The following STRBP variants were observed in gnomAD, a reference collection of about 807,000 sequenced individuals.
STRBP encodes the protein spermatid perinuclear RNA binding protein.
In STRBP, 13 loss-of-function variants were observed where a neutral mutation model predicts 80.1. That is an observed-to-expected ratio of 0.16 (90% CI 0.11 to 0.26). The LOEUF is 0.26. Among genes scored for constraint, STRBP ranks in the 10% least tolerant of loss-of-function variants. The probability of loss-of-function intolerance (pLI) is 1.00; values close to 1 mark genes in which losing one functional copy is unlikely to be tolerated. For missense variants in STRBP, 485 were observed against 815.2 expected, an observed-to-expected ratio of 0.59 and a Z score of 4.93; for synonymous variants, 284 against 291.2, an observed-to-expected ratio of 0.98 and a Z score of 0.25.
At chr9:123,261,283 G>T (rs1324951399) in intron 1 of STRBP, among the ~76,000 whole-genome samples, 1 of 152,160 alleles carries the variant, frequency 6.6e-6, no homozygotes, top group Non-Finnish European at 1.5e-5. Flanking sequence ...GTACTCAACA[G>T]CTTGATTAAA....
At chr9:123,234,200 CAAAA>C (rs59309974) in intron 2 of STRBP, among the ~76,000 whole-genome samples, 4 of 72,296 alleles carry the variant, frequency 5.5e-5, no homozygotes, top group Admixed American at 2.3e-4. Flanking sequence ...GACGCCGTGT[CAAAA>C]AAAAAAAAAA....
intron 2 of STRBP, among the ~76,000 whole-genome samples, chr9:123,191,354 C>T (rs1208351909): frequency 6.6e-6 from 1 of 151,068 alleles, no homozygotes; most frequent in African/African-American, 2.4e-5. Flanking sequence ...GGCGTGCCTG[C>T]GTTCAGTGGA....
chr9:123,185,726 C>G (rs1326390415), intron 2 of STRBP, among the ~76,000 whole-genome samples: 1 of 152,136 alleles, frequency 6.6e-6, no homozygotes, highest in Non-Finnish European at 1.5e-5. Context: ...AGCTGTGAAT[C>G]CAGCAGCCAA....
At chr9:123,267,305 G>A (rs189338108) in intron 1 of STRBP, among the ~76,000 whole-genome samples, 188 of 150,836 alleles carry the variant, frequency 1.2e-3, no homozygotes, top group African/African-American at 4.4e-3. Flanking sequence ...TCCATTTCAC[G>A]CACTTCTCCC....
intron 18 of STRBP, 51 bp downstream of exon 18, chr9:123,128,163 G>A: frequency 1.2e-6 from 2 of 1,601,568 alleles, no homozygotes; most frequent in Non-Finnish European, 1.7e-6. Flanking sequence ...CTGTGCTTTG[G>A]ATTGCTGTGA....
At chr9:123,188,071 T>A (rs562812730) in intron 2 of STRBP, among the ~76,000 whole-genome samples, 1 of 152,188 alleles carries the variant, frequency 6.6e-6, no homozygotes, top group Admixed American at 6.5e-5. Flanking sequence ...GTTTTTTCAG[T>A]CTATAATTTT....
chr9:123,113,470 C>G (rs1490923777), intron 3 of STRBP: 1 of 167,270 alleles, frequency 6.0e-6, no homozygotes, highest in Admixed American at 6.5e-5. Context: ...TCCTGATTCA[C>G]CCTCAGCCCT....
At chr9:123,266,118 A>T (rs200252927) in intron 1 of STRBP, among the ~76,000 whole-genome samples, 39 of 152,252 alleles carry the variant, frequency 2.6e-4, no homozygotes, top group Middle Eastern at 3.4e-3. Context: ...GGTCTCTTCC[A>T]GTTTCACAAA....
At chr9:123,137,090 A>G (rs756195893) in intron 14 of STRBP, among the ~76,000 whole-genome samples, 3 of 152,172 alleles carry the variant, frequency 2.0e-5, no homozygotes, top group Non-Finnish European at 4.4e-5. Flanking sequence ...GTGTAGTGGG[A>G]GGGACAGATA....
At position 123,122,879 on chromosome 9, in the gene STRBP, C is replaced by CT. The variant is rs1332157714; in HGVS notation, c.*2717_*2718insA. 1.0e-6 allele frequency: 1 copy of CT among 985,420 alleles called. No individual in the cohort carries two copies. The highest frequency in any genetic ancestry group is 1.2e-6 in the Non-Finnish European group (1 of 830,018). The allele number at this position is 985,420 out of a possible 1,614,324, so 61.0% of individuals were successfully genotyped here. A position where few individuals can be genotyped will look rare whatever the true frequency, so the allele number is the denominator to read the frequency against. ...CTACACTGACCTGTAAACTCCCTGA[C>CT]AAGAAACTATGCTAAAAAGGGGTTA... On this transcript the variant is annotated 3_prime_UTR_variant, in exon 19 of 19. Coordinates refer to ENST00000348403, the MANE Select transcript of STRBP (RefSeq NM_018387.5).
chr9:123,265,545 T>C (rs1461065790), intron 1 of STRBP, among the ~76,000 whole-genome samples: 3 of 152,198 alleles, frequency 2.0e-5, no homozygotes, highest in Admixed American at 2.0e-4. Flanking sequence ...GAAATCGTTT[T>C]CCAAGATTCT....
In STRBP at chr9:123,259,713, A is replaced by AAAC. The variant is rs774487865; in HGVS notation, c.-302+8720_-302+8722dup. ...AACAAGAGTGAAACTCTGTCTCACAAAACAACAACAACAACAACAACAACA... is the reference window on the plus strand; with the variant it reads ...AACAAGAGTGAAACTCTGTCTCACAAAACAACAACAACAACAACAACAACAACA... On this transcript the variant is annotated intron_variant, in intron 1 of 18. Coordinates refer to ENST00000348403, the MANE Select transcript of STRBP (RefSeq NM_018387.5). Among the ~76,000 whole-genome samples, 1,463 of 151,874 alleles carry AAAC rather than the reference A, an allele frequency of 9.6e-3. 15 individuals carry two copies. Among genetic ancestry groups the AAAC allele is most frequent in the African/African-American group, 0.023 (959 of 41,454 alleles).
chr9:123,134,740 A>C (rs562999621), intron 16 of STRBP, among the ~76,000 whole-genome samples: 1 of 152,334 alleles, frequency 6.6e-6, no homozygotes, highest in East Asian at 1.9e-4. Flanking sequence ...AAATATTTGC[A>C]CATGGGCTTT....
Position 123,173,723 on chromosome 9 carries a change from T to G in STRBP, c.344A>C (p.Glu115Ala), listed in dbSNP as rs760299794. 6.2e-7 allele frequency: 1 copy of G among 1,613,908 alleles called. No individual in the cohort carries two copies. The highest frequency in any genetic ancestry group is 1.1e-5 in the South Asian group (1 of 91,058). ...ATCTTTGACTGTATTTAACAGGGTC[T>G]CTGTGGGTTTGTCTTTGCACATTAA... ...LVLMCKDKPT[E>A]TLLNTVKDNL... The change falls in exon 5 of 19, where the codon GAG becomes GCG. Residue 115 changes from glutamate (E) to alanine (A), a missense_variant. Glu to Ala is a moderately radical substitution (Grantham distance 107, BLOSUM62 -1). Around this residue, in one of 3 missense-constraint regions of STRBP, gnomAD observed 377 missense variants for 616.1 expected, o/e 0.61. Transcript: ENST00000348403.
chr9:123,123,715 C>A lies in STRBP; in HGVS notation c.*1882G>T. On this transcript the variant is annotated 3_prime_UTR_variant, in exon 19 of 19. Coordinates refer to ENST00000348403, the MANE Select transcript of STRBP (RefSeq NM_018387.5). Reference sequence around the variant, plus strand: ...CCAACGTGGAATCCAAATTTGATGACCAATTTCAAATAACAATACAGCCGC... The same window carrying A: ...CCAACGTGGAATCCAAATTTGATGAACAATTTCAAATAACAATACAGCCGC... 4.1e-6 allele frequency: 4 copies of A among 985,224 alleles called. No homozygotes were observed. The highest frequency in any genetic ancestry group is 4.8e-6 in the Non-Finnish European group (4 of 829,870). 61.0% of individuals were successfully genotyped at this position (985,224 alleles called of 1,614,324 possible).
intron 1 of STRBP, among the ~76,000 whole-genome samples, chr9:123,251,480 C>T (rs2040915505): frequency 6.6e-6 from 1 of 152,192 alleles, no homozygotes; most frequent in South Asian, 2.1e-4. Flanking sequence ...AAGTCCAGTG[C>T]TCTCTCCACT....
At chr9:123,167,472 C>G (rs1052033875) in intron 6 of STRBP, among the ~76,000 whole-genome samples, 1 of 151,918 alleles carries the variant, frequency 6.6e-6, no homozygotes, top group African/African-American at 2.4e-5. Context: ...GTCTGAAGTG[C>G]GTAATTATAG....
At position 123,121,934 on chromosome 9, in the gene STRBP, A is replaced by T. The variant is rs1185680595; in HGVS notation, c.*3663T>A. On this transcript the variant is annotated 3_prime_UTR_variant, in exon 19 of 19. Transcript: ENST00000348403. ...TGTGTGTGTAATTTACATACGTGTT[A>T]TATCCTAAGTTTCTACACACACACA... 1 of 122,974 alleles carries T rather than the reference A, an allele frequency of 8.1e-6. No individual in the cohort carries two copies. The highest frequency in any genetic ancestry group is 3.1e-5 in the African/African-American group (1 of 31,844). 7.6% of individuals were successfully genotyped at this position (122,974 alleles called of 1,614,324 possible). A position where few individuals can be genotyped will look rare whatever the true frequency, so the allele number is the denominator to read the frequency against.
chr9:123,127,093 C>T (rs755400026), intron 18 of STRBP, among the ~76,000 whole-genome samples: 144 of 152,126 alleles, frequency 9.5e-4, no homozygotes, highest in African/African-American at 3.3e-3. Context: ...AAATTTGCTC[C>T]GAAAGTGTGA....
Sources: gnomAD v4.1 joint callset for allele counts (sites outside exome capture counted in the v4.1 genomes callset) on GRCh38, gnomAD v4.1.1 for gene constraint, gnomAD v4.1.1 regional missense constraint, MANE v1.5 for transcripts, NCBI Gene and HGNC (gene_info 2026-07-23, HGNC 2026-07-21) for gene names.